The following IPCEF1 variants were observed in gnomAD, a reference collection of about 807,000 sequenced individuals.
IPCEF1 encodes interaction protein for cytohesin exchange factors 1, also known as interactor protein for cytohesin exchange factors 1.
IPCEF1 carries 31 observed loss-of-function variants against 50.9 expected under a neutral mutation model. The observed-to-expected ratio is 0.61, with a 90% CI of 0.46 to 0.82. The LOEUF is 0.82. Ranked by LOEUF, IPCEF1 falls within the 40% of genes least tolerant of loss-of-function variation. The pLI is 0.00. For synonymous variants in IPCEF1, 181 were observed against 192.0 expected (o/e 0.94, Z 0.47); for missense variants, 458 against 514.0 (o/e 0.89, Z 1.05).
intron 5 of IPCEF1, among the ~76,000 whole-genome samples, chr6:154,241,443 C>A (rs1031577118): frequency 6.6e-6 from 1 of 151,952 alleles, no homozygotes; most frequent in Non-Finnish European, 1.5e-5. Flanking sequence ...AAAAAGTAAG[C>A]GACGGTGAAT....
intron 10 of IPCEF1, among the ~76,000 whole-genome samples, chr6:154,173,485 T>C (rs1041108157): frequency 2.6e-5 from 4 of 152,188 alleles, no homozygotes; most frequent in African/African-American, 9.6e-5. Context: ...AAATGATCTT[T>C]TGGTGCTGAA....
At chr6:154,163,672 G>GA (rs1358107337) in intron 11 of IPCEF1, among the ~76,000 whole-genome samples, 2 of 152,150 alleles carry the variant, frequency 1.3e-5, no homozygotes, top group East Asian at 3.9e-4. Context: ...AATACTTGTT[G>GA]AAAAAATGAA....
intron 9 of IPCEF1, among the ~76,000 whole-genome samples, chr6:154,207,976 G>A (rs1204899429): frequency 2.6e-5 from 4 of 152,106 alleles, no homozygotes; most frequent in Admixed American, 1.3e-4. Context: ...CTGCTATCCC[G>A]ATGGAATCGC....
chr6:154,160,860 T>C (rs1798953597), intron 11 of IPCEF1, among the ~76,000 whole-genome samples: 1 of 152,240 alleles, frequency 6.6e-6, no homozygotes, highest in Non-Finnish European at 1.5e-5. Flanking sequence ...TTTGATCTGC[T>C]GCCACAGCCT....
chr6:154,265,711 C>T (rs1214184746), intron 3 of IPCEF1, among the ~76,000 whole-genome samples: 1 of 152,140 alleles, frequency 6.6e-6, no homozygotes, highest in Non-Finnish European at 1.5e-5. Flanking sequence ...GCAGCTTAAA[C>T]TTTAAAAGTA....
intron 1 of IPCEF1, among the ~76,000 whole-genome samples, chr6:154,318,939 A>T (rs1783301745): frequency 6.6e-6 from 1 of 152,152 alleles, no homozygotes; most frequent in South Asian, 2.1e-4. Context: ...TTCAAGGATA[A>T]ATGTGAATGT....
chr6:154,248,306 C>CATGTGT (rs1554298776), intron 3 of IPCEF1, among the ~76,000 whole-genome samples: 2 of 147,242 alleles, frequency 1.4e-5, no homozygotes, highest in Non-Finnish European at 3.0e-5. Context: ...CTTTAAAATA[C>CATGTGT]GTGTGTGTGT....
intron 4 of IPCEF1, chr6:154,246,996 A>G (rs1171083171): frequency 2.1e-6 from 1 of 485,212 alleles, no homozygotes; most frequent in African/African-American, 1.9e-5. Context: ...TCATGCTTAG[A>G]AGGTATAAGA....
In IPCEF1 at chr6:154,233,958, C is replaced by T. The variant is rs1388387397; in HGVS notation, c.247-10715G>A. The stretch of plus-strand genomic sequence containing the variant: ...ACGCCGTGGCTCACACCTGTAATCT[C>T]GGCACTTTGAGAGGCCAAAGCAGAA... On this transcript the variant is annotated intron_variant, in intron 5 of 11. Coordinates refer to ENST00000367220, the MANE Select transcript of IPCEF1 (RefSeq NM_001130700.2). Among the ~76,000 whole-genome samples the T allele has an allele frequency of 2.6e-5, 4 of 152,282 alleles. No individual in the cohort carries two copies. In the South Asian group the frequency reaches 8.3e-4, roughly 32 times the overall value.
At chr6:154,323,198 T>A (rs904219016) in intron 1 of IPCEF1, among the ~76,000 whole-genome samples, 2 of 151,994 alleles carry the variant, frequency 1.3e-5, no homozygotes, top group Non-Finnish European at 2.9e-5. Context: ...GATCTCCACG[T>A]GCACGAGGGA....
chr6:154,232,451 C>T (rs894347820), intron 5 of IPCEF1, among the ~76,000 whole-genome samples: 2 of 151,996 alleles, frequency 1.3e-5, no homozygotes, highest in East Asian at 3.9e-4. Context: ...GAAAATTAAT[C>T]CCATGCCAAG....
At chr6:154,209,295 A>G (rs1346788213) in intron 9 of IPCEF1, among the ~76,000 whole-genome samples, 5 of 152,202 alleles carry the variant, frequency 3.3e-5, no homozygotes, top group Admixed American at 3.3e-4. Flanking sequence ...CTAGGCTTGT[A>G]TATCTAAGTC....
At chr6:154,267,706 G>A (rs1409792374) in intron 2 of IPCEF1, among the ~76,000 whole-genome samples, 1 of 152,234 alleles carries the variant, frequency 6.6e-6, no homozygotes, top group African/African-American at 2.4e-5. Flanking sequence ...GCTTTCAACA[G>A]AGAGGAGGCC....
intron 9 of IPCEF1, among the ~76,000 whole-genome samples, chr6:154,208,696 A>G (rs1435747324): frequency 6.6e-6 from 1 of 152,216 alleles, no homozygotes; most frequent in Non-Finnish European, 1.5e-5. Context: ...AACTTGAAGG[A>G]AAAATACCTG....
chr6:154,166,437 G>A (rs1399917905), intron 11 of IPCEF1, among the ~76,000 whole-genome samples: 2 of 152,270 alleles, frequency 1.3e-5, no homozygotes, highest in African/African-American at 2.4e-5. Context: ...TTCTCCCAAC[G>A]TGGAACTACA....
At chr6:154,167,138 A>G (rs1002462293) in intron 11 of IPCEF1, among the ~76,000 whole-genome samples, 17 of 152,230 alleles carry the variant, frequency 1.1e-4, no homozygotes, top group Non-Finnish European at 2.9e-5. Context: ...ACAAAACAAA[A>G]TTCACTTACA....
chr6:154,195,883 G>A (rs1003995586), intron 10 of IPCEF1, among the ~76,000 whole-genome samples: 8 of 149,596 alleles, frequency 5.3e-5, no homozygotes, highest in South Asian at 4.2e-4. Context: ...CCTCTGCCTC[G>A]CAGGTTCAAG....
rs1219808310 is a variant in IPCEF1 at position 154,157,767 on chromosome 6, A to G, written c.*2061T>C. The G allele has an allele frequency of 6.6e-6, 1 of 152,234 alleles. No homozygotes were observed. Among genetic ancestry groups the G allele is most frequent in the Non-Finnish European group, 1.5e-5 (1 of 68,048 alleles). The allele number at this position is 152,234 out of a possible 1,614,324, so 9.4% of individuals were successfully genotyped here. A position where few individuals can be genotyped will look rare whatever the true frequency, so the allele number is the denominator to read the frequency against. On this transcript the variant is annotated 3_prime_UTR_variant, in exon 12 of 12. Coordinates refer to ENST00000367220, the MANE Select transcript of IPCEF1 (RefSeq NM_001130700.2). ...TGCTATTGTTATTTGTTGTTCCTTC[A>G]ATACTCTTTACATTGCCAATCCTAA...
chr6:154,266,026 C>T, intron 2 of IPCEF1, 62 bp from the exon 3 acceptor site: 1 of 902,160 alleles, frequency 1.1e-6, no homozygotes, highest in East Asian at 2.5e-5. Context: ...AAACATATAT[C>T]TCTTTGAGTG....
Sources: gnomAD v4.1 joint callset for allele counts (sites outside exome capture counted in the v4.1 genomes callset) on GRCh38, gnomAD v4.1.1 for gene constraint, MANE v1.5 for transcripts, NCBI Gene and HGNC (gene_info 2026-07-23, HGNC 2026-07-21) for gene names.